COL14A1: variants seen among roughly 807,000 people sequenced by gnomAD.
COL14A1 encodes collagen type XIV alpha 1 chain.
A neutral mutation model predicts 230.3 loss-of-function variants in COL14A1; 136 were observed. That is an observed-to-expected ratio of 0.59 (90% CI 0.51 to 0.68). The LOEUF is 0.68. COL14A1 is among the 30% of genes least tolerant of loss of function. COL14A1 has a pLI of 0.00. For missense variants in COL14A1, 1,976 were observed against 2,215.8 expected (o/e 0.89, Z 2.17); for synonymous variants, 792 against 784.1 (o/e 1.01, Z -0.17).
At chr8:120,300,867 G>T in intron 36 of COL14A1, 49 bp downstream of exon 36, 1 of 1,403,938 alleles carries the variant, frequency 7.1e-7, no homozygotes. Context: ...AATATTAATA[G>T]CTATCACTTG....
chr8:120,278,614 A>T, intron 28 of COL14A1, 36 bp downstream of exon 28: 1 of 1,580,520 alleles, frequency 6.3e-7, no homozygotes, highest in Non-Finnish European at 8.6e-7. Context: ...ACCAAATATG[A>T]TGTTAGAATT....
rs550129238 is a variant in COL14A1 at position 120,156,601 on chromosome 8, T to C, written c.89-1529T>C. 1.1e-4 allele frequency among the ~76,000 whole-genome samples: 17 copies of C among 152,318 alleles called. 1 individual carries two copies. Among genetic ancestry groups the C allele is most frequent in the Admixed American group, 2.6e-4 (4 of 15,296 alleles). On this transcript the variant is annotated intron_variant, in intron 2 of 47. Coordinates refer to ENST00000297848, the MANE Select transcript of COL14A1 (RefSeq NM_021110.4). ...CACCTTGGTTCCTTTATCTATAAAA[T>C]TGGAATAGCAATGTATGTTTCGAAG...
intron 18 of COL14A1, 142 bp downstream of exon 18, chr8:120,228,911 C>G (rs1231362787): frequency 3.1e-6 from 2 of 655,686 alleles, no homozygotes; most frequent in Non-Finnish European, 5.2e-6. Context: ...AAATTTCACG[C>G]CTCTCAGAGC....
chr8:120,216,200 A>G (rs2130777005), intron 13 of COL14A1, 151 bp from the exon 14 acceptor site: 1 of 604,676 alleles, frequency 1.7e-6, no homozygotes, highest in Admixed American at 3.3e-5. Flanking sequence ...ATTGATTTTT[A>G]TGAGACAATA....
intron 44 of COL14A1, among the ~76,000 whole-genome samples, chr8:120,344,551 G>A (rs1001997901): frequency 7.2e-5 from 11 of 152,338 alleles, no homozygotes; most frequent in Middle Eastern, 6.8e-3. Context: ...GAGTCATCAG[G>A]AGCGGATCCC....
intron 38 of COL14A1, among the ~76,000 whole-genome samples, chr8:120,315,179 G>A (rs1821174711): frequency 6.6e-6 from 1 of 151,990 alleles, no homozygotes; most frequent in African/African-American, 2.4e-5. Flanking sequence ...AGACTAGCCT[G>A]GCCAACATGA....
At chr8:120,258,946 C>T (rs1819245143) in intron 23 of COL14A1, among the ~76,000 whole-genome samples, 2 of 152,118 alleles carry the variant, frequency 1.3e-5, no homozygotes, top group African/African-American at 4.8e-5. Flanking sequence ...ACACTTTATT[C>T]CCACCCTAAT....
At chr8:120,367,579 C>G (rs1167614886) in intron 46 of COL14A1, among the ~76,000 whole-genome samples, 1 of 152,124 alleles carries the variant, frequency 6.6e-6, no homozygotes, top group Non-Finnish European at 1.5e-5. Context: ...TAAGGTAGCT[C>G]TCTTCCATCT....
At chr8:120,207,840 C>CA (rs35971998) in intron 10 of COL14A1, among the ~76,000 whole-genome samples, 1,659 of 116,880 alleles carry the variant, frequency 0.014, 21 homozygotes, top group African/African-American at 0.031. Context: ...TCATTTGGAC[C>CA]AAAAAAAAAA....
chr8:120,214,677 TG>T (rs1292606206), intron 13 of COL14A1, among the ~76,000 whole-genome samples: 1 of 152,146 alleles, frequency 6.6e-6, no homozygotes, highest in Non-Finnish European at 1.5e-5. Flanking sequence ...CTTGCTATAT[TG>T]GGGATAGATC....
chr8:120,142,075 T>C (rs1295364835), intron 1 of COL14A1, among the ~76,000 whole-genome samples: 1 of 152,132 alleles, frequency 6.6e-6, no homozygotes, highest in Non-Finnish European at 1.5e-5. Flanking sequence ...AAGGAAATTT[T>C]TTTTTTCTCC....
At chr8:120,205,987 C>G (rs1817417519) in intron 9 of COL14A1, among the ~76,000 whole-genome samples, 1 of 152,186 alleles carries the variant, frequency 6.6e-6, no homozygotes, top group Non-Finnish European at 1.5e-5. Context: ...ATGTGTAACA[C>G]ACACACACAA....
intron 3 of COL14A1, 43 bp from the exon 4 acceptor site, chr8:120,162,383 A>T: frequency 6.5e-7 from 1 of 1,532,396 alleles, no homozygotes; most frequent in Non-Finnish European, 8.8e-7. Context: ...TACACAGTGG[A>T]CCTTATTTCT....
intron 45 of COL14A1, among the ~76,000 whole-genome samples, chr8:120,357,016 G>T (rs557861313): frequency 6.6e-6 from 1 of 151,942 alleles, no homozygotes; most frequent in Non-Finnish European, 1.5e-5. Context: ...ATTACAAAGC[G>T]ACTCTTTACA....
chr8:120,243,953 G>T lies in COL14A1; in HGVS notation c.2424G>T (p.Val808=). ...CTGATACTGAATACAAAGTCACAGT[G>T]ACTCCCATCTACACGGATGGCGAAG... is the stretch of plus-strand genomic sequence containing the variant. The part of the protein sequence containing the change: ...LLPDTEYKVT[V]TPIYTDGEGV... The change falls in exon 20 of 48, where the codon GTG becomes GTT. Residue 808 remains valine, a synonymous_variant. Coordinates refer to ENST00000297848, the MANE Select transcript of COL14A1 (RefSeq NM_021110.4). The T allele has an allele frequency of 6.2e-7, 1 of 1,613,416 alleles. No individual in the cohort carries two copies. Among genetic ancestry groups the T allele is most frequent in the South Asian group, 1.1e-5 (1 of 90,988 alleles).
intron 22 of COL14A1, among the ~76,000 whole-genome samples, chr8:120,253,306 GC>G (rs1338379022): frequency 6.6e-6 from 1 of 152,076 alleles, no homozygotes; most frequent in Non-Finnish European, 1.5e-5. Context: ...ACTACGCCCA[GC>G]CCTGTGATTT....
At chr8:120,263,122 G>A in intron 24 of COL14A1, 108 bp downstream of exon 24, 1 of 1,195,660 alleles carries the variant, frequency 8.4e-7, no homozygotes, top group Non-Finnish European at 1.1e-6. Flanking sequence ...TGCTGTTCAG[G>A]AATATACGTA....
chr8:120,183,545 A>G (rs910269741), intron 5 of COL14A1, among the ~76,000 whole-genome samples: 6 of 152,202 alleles, frequency 3.9e-5, no homozygotes, highest in African/African-American at 7.2e-5. Context: ...TCCCTTGTCT[A>G]TATGACAGCC....
rs1180909687 is a variant in COL14A1 at position 120,229,130 on chromosome 8, C to CT, written c.2197+364dup. On this transcript the variant is annotated intron_variant, in intron 18 of 47. Coordinates refer to ENST00000297848, the MANE Select transcript of COL14A1 (RefSeq NM_021110.4). ...TTTTATTTTATTTATTATTATTATACTTTAAGTTTTAGGGTACATGTGCAC... is the reference window on the plus strand; with the variant it reads ...TTTTATTTTATTTATTATTATTATACTTTTAAGTTTTAGGGTACATGTGCAC... Among the ~76,000 whole-genome samples the CT allele has an allele frequency of 8.9e-5, 10 of 112,800 alleles. No individual in the cohort carries two copies. The East Asian group carries it at 3.8e-3, about 43-fold the overall frequency. The allele number at this position is 112,800 out of a possible 152,430, so 74.0% of individuals were successfully genotyped here.
Sources: gnomAD v4.1 joint callset for allele counts (sites outside exome capture counted in the v4.1 genomes callset) on GRCh38, gnomAD v4.1.1 for gene constraint, MANE v1.5 for transcripts, NCBI Gene and HGNC (gene_info 2026-07-23, HGNC 2026-07-21) for gene names.